The following MYBL1 variants were observed in gnomAD, a reference collection of about 807,000 sequenced individuals.
MYBL1 encodes the protein myb-related protein A.
MYBL1 carries 17 observed loss-of-function variants against 96.3 expected under a neutral mutation model. The observed-to-expected ratio is 0.18, with a 90% CI of 0.12 to 0.26. The LOEUF (loss-of-function observed/expected upper bound fraction) is 0.26. MYBL1 is among the 10% of genes least tolerant of loss of function. The pLI, the probability that MYBL1 is intolerant of heterozygous loss-of-function variation, is 1.00. For synonymous variants in MYBL1, 282 were observed against 292.7 expected (o/e 0.96, Z 0.37); for missense variants, 701 against 882.9 (o/e 0.79, Z 2.61).
At chr8:66,601,622 AT>A in intron 3 of MYBL1, 75 bp downstream of exon 3, 1 of 829,550 alleles carries the variant, frequency 1.2e-6, no homozygotes, top group Non-Finnish European at 1.9e-6. Context: ...ATGTAGACAC[AT>A]TTTTGAAAAA....
At chr8:66,572,900 A>G (rs1808790673) in intron 11 of MYBL1, among the ~76,000 whole-genome samples, 1 of 152,154 alleles carries the variant, frequency 6.6e-6, no homozygotes, top group Non-Finnish European at 1.5e-5. Flanking sequence ...CCTAAGGAGA[A>G]AACATAAGGT....
chr8:66,602,356 A>C, intron 2 of MYBL1, 62 bp downstream of exon 2: 1 of 1,180,188 alleles, frequency 8.5e-7, no homozygotes, highest in Non-Finnish European at 1.2e-6. Context: ...TGGCCGTATA[A>C]CTATAGCAGT....
chr8:66,606,658 A>G (rs1282567819), intron 1 of MYBL1, among the ~76,000 whole-genome samples: 1 of 152,186 alleles, frequency 6.6e-6, no homozygotes, highest in Non-Finnish European at 1.5e-5. Flanking sequence ...CAGGCAAAAC[A>G]CCAAGATTCT....
chr8:66,606,566 T>C (rs1429817511), intron 1 of MYBL1, among the ~76,000 whole-genome samples: 1 of 152,224 alleles, frequency 6.6e-6, no homozygotes. Flanking sequence ...ATTTAATATA[T>C]ACTGTCTATA....
chr8:66,580,246 C>T lies in MYBL1; in HGVS notation c.988G>A (p.Val330Met). The change falls in exon 9 of 16, where the codon GTG (valine) becomes ATG (methionine). Residue 330 changes from valine (V) to methionine (M), a missense_variant. Physicochemically the swap from Val to Met is conservative, Grantham distance 21. Coordinates refer to ENST00000522677, the MANE Select transcript of MYBL1 (RefSeq NM_001080416.4). The part of the protein sequence containing the change: ...EFYSMDENQP[V>M]SAQQNSPTKF... ...GTGGGTGAATTCTGCTGAGCAGACA[C>T]AGGCTGATTTTCATCCATACTGTAA... The T allele has an allele frequency of 6.2e-7, 1 of 1,613,888 alleles. No individual in the cohort carries two copies. Among genetic ancestry groups the T allele is most frequent in the Non-Finnish European group, 8.5e-7 (1 of 1,179,812 alleles).
At position 66,612,847 on chromosome 8, in the gene MYBL1, T is replaced by C; in HGVS notation, c.-9A>G. ...CGCGACCTCTTCGCCATCCTTCAAGTACCGCATAGGAGCAGGCTGGGCGGG... is the reference window on the plus strand; with the variant it reads ...CGCGACCTCTTCGCCATCCTTCAAGCACCGCATAGGAGCAGGCTGGGCGGG... On this transcript the variant is annotated 5_prime_UTR_variant, in exon 1 of 16. Coordinates refer to ENST00000522677, the MANE Select transcript of MYBL1 (RefSeq NM_001080416.4). The C allele has an allele frequency of 7.3e-7, 1 of 1,376,756 alleles. No individual in the cohort carries two copies. The highest frequency in any genetic ancestry group is 9.5e-7 in the Non-Finnish European group (1 of 1,056,048). The allele number at this position is 1,376,756 out of a possible 1,614,324, so 85.3% of individuals were successfully genotyped here.
chr8:66,609,427 C>CA lies in MYBL1; in HGVS notation c.20+3391dup, dbSNP rs769865191. On this transcript the variant is annotated intron_variant, in intron 1 of 15. Coordinates refer to ENST00000522677, the MANE Select transcript of MYBL1 (RefSeq NM_001080416.4). The stretch of plus-strand genomic sequence containing the variant: ...TCAAGTCCGAAATCTTTATCACAGA[C>CA]AAAAAAAAAATCTTTATTATACAAT... Among the ~76,000 whole-genome samples the CA allele has an allele frequency of 9.1e-3, 1,331 of 146,852 alleles. 16 individuals carry two copies. The highest frequency in any genetic ancestry group is 0.028 in the African/African-American group (1,108 of 40,206).
At chr8:66,585,958 A>G (rs1472278728) in intron 8 of MYBL1, among the ~76,000 whole-genome samples, 2 of 152,024 alleles carry the variant, frequency 1.3e-5, no homozygotes, top group Non-Finnish European at 2.9e-5. Flanking sequence ...CTATTAACCA[A>G]CAAAGGATTA....
chr8:66,594,230 T>C (rs1809765091), intron 6 of MYBL1, among the ~76,000 whole-genome samples: 1 of 152,104 alleles, frequency 6.6e-6, no homozygotes, highest in African/African-American at 2.4e-5. Context: ...TAATGCAGAA[T>C]CATTATGTAT....
Position 66,566,960 on chromosome 8 carries a change from A to C in MYBL1, c.1761T>G (p.Ile587Met). ...SQPLAFLEED[I>M]REVLKEETGT... ...CAGTTTCTTCTTTTAAAACTTCCCG[A>C]ATATCTTCTTCCAAGAAAGCAAGTG... The change falls in exon 13 of 16, where the codon ATT (isoleucine) becomes ATG (methionine). Residue 587 changes from isoleucine to methionine, a missense_variant. Around this residue, in one of 5 missense-constraint regions of MYBL1, gnomAD observed 63 missense variants for 109.2 expected, o/e 0.58. Coordinates refer to ENST00000522677, the MANE Select transcript of MYBL1 (RefSeq NM_001080416.4). The C allele has an allele frequency of 6.2e-7, 1 of 1,612,986 alleles. No individual in the cohort carries two copies. Among genetic ancestry groups the C allele is most frequent in the Non-Finnish European group, 8.5e-7 (1 of 1,179,492 alleles).
rs1169399260 is a variant in MYBL1, at chr8:66,572,429, TTG to T, written c.1728+51_1728+52del. The T allele has an allele frequency of 4.8e-6, 4 of 827,006 alleles. No homozygotes were observed. In the African/African-American group the frequency reaches 5.2e-5, roughly 11 times the overall value. The allele number at this position is 827,006 out of a possible 1,614,324, so 51.2% of individuals were successfully genotyped here. A position where few individuals can be genotyped will look rare whatever the true frequency, so the allele number is the denominator to read the frequency against. On this transcript the variant is annotated intron_variant, in intron 12 of 15. Transcript: ENST00000522677. ...AAATCAAAGTGATAAAAATCATAAT[TTG>T]TGTTTTATTAAAATTAGGAAAATTA...
chr8:66,586,042 GTT>G (rs578179482), intron 8 of MYBL1, among the ~76,000 whole-genome samples: 7 of 105,800 alleles, frequency 6.6e-5, no homozygotes, highest in East Asian at 2.7e-4. Context: ...GTTTTTTGGT[GTT>G]TTTTTTTTTT....
chr8:66,580,789 T>G (rs1194942951), intron 8 of MYBL1, among the ~76,000 whole-genome samples: 1 of 152,182 alleles, frequency 6.6e-6, no homozygotes, highest in Non-Finnish European at 1.5e-5. Flanking sequence ...TGGAGTGCCT[T>G]TGCACATATT....
rs1808813476 is a variant in MYBL1 at position 66,573,434 on chromosome 8, C to G, written c.1543G>C (p.Gly515Arg). The change falls in exon 11 of 16, where the codon GGG becomes CGG. Residue 515 changes from glycine to arginine, a missense_variant. By Grantham distance (125) the Gly-to-Arg change is moderately radical. Around this residue, in one of 5 missense-constraint regions of MYBL1, gnomAD observed 396 missense variants for 407.4 expected, o/e 0.97. Coordinates refer to ENST00000522677, the MANE Select transcript of MYBL1 (RefSeq NM_001080416.4). Reference sequence around the variant, plus strand: ...GGAGTTGTAATGAGAGCTTTCTGCCCACAAATAGGGGTTGATGTAAATGAA... The same window carrying G: ...GGAGTTGTAATGAGAGCTTTCTGCCGACAAATAGGGGTTGATGTAAATGAA... Reference protein sequence around the residue: ...NPSFTSTPICGQKALITTPLH... With the variant: ...NPSFTSTPICRQKALITTPLH... 1 of 1,612,108 alleles carries G rather than the reference C, an allele frequency of 6.2e-7. No individual in the cohort carries two copies. Among genetic ancestry groups the G allele is most frequent in the Non-Finnish European group, 8.5e-7 (1 of 1,179,094 alleles).
At chr8:66,577,923 C>T (rs540866502) in intron 9 of MYBL1, among the ~76,000 whole-genome samples, 68 of 152,226 alleles carry the variant, frequency 4.5e-4, no homozygotes, top group Non-Finnish European at 7.9e-4. Context: ...GAAATAATGC[C>T]GCGTTATCTA....
At chr8:66,585,717 G>A (rs1356974600) in intron 8 of MYBL1, among the ~76,000 whole-genome samples, 1 of 152,148 alleles carries the variant, frequency 6.6e-6, no homozygotes, top group South Asian at 2.1e-4. Flanking sequence ...ACTCCAGCCT[G>A]GGTGACAAGA....
intron 9 of MYBL1, among the ~76,000 whole-genome samples, chr8:66,579,600 T>C: frequency 6.6e-6 from 1 of 150,918 alleles, no homozygotes; most frequent in Admixed American, 6.6e-5. Context: ...CAGGTTGCAG[T>C]GAACTGAGAT....
intron 6 of MYBL1, among the ~76,000 whole-genome samples, chr8:66,594,575 T>A (rs1390102974): frequency 6.6e-6 from 1 of 152,130 alleles, no homozygotes; most frequent in Non-Finnish European, 1.5e-5. Flanking sequence ...AAAAAATAAA[T>A]TTAAATGATA....
intron 4 of MYBL1, among the ~76,000 whole-genome samples, chr8:66,598,059 C>T (rs1028383694): frequency 1.3e-5 from 2 of 152,004 alleles, no homozygotes; most frequent in African/African-American, 2.4e-5. Context: ...CCCACTTTAC[C>T]TCACTGCCCT....
Sources: gnomAD v4.1 joint callset for allele counts (sites outside exome capture counted in the v4.1 genomes callset) on GRCh38, gnomAD v4.1.1 for gene constraint, gnomAD v4.1.1 regional missense constraint, MANE v1.5 for transcripts, NCBI Gene and HGNC (gene_info 2026-07-23, HGNC 2026-07-21) for gene names.